The following OPCML variants were observed in gnomAD, a reference collection of about 807,000 sequenced individuals.
OPCML encodes opioid-binding protein/cell adhesion molecule.
In OPCML, 13 loss-of-function variants were observed where a neutral mutation model predicts 37.8. The ratio of observed to expected loss-of-function variants is 0.34; its 90% CI spans 0.22 to 0.55. The LOEUF (loss-of-function observed/expected upper bound fraction) is 0.55. OPCML is among the 20% of genes least tolerant of loss of function. The probability of loss-of-function intolerance (pLI) is 0.91; values close to 1 mark genes in which losing one functional copy is unlikely to be tolerated. For missense variants in OPCML, 341 were observed against 435.6 expected (o/e 0.78, Z 1.93); for synonymous variants, 176 against 168.8 (o/e 1.04, Z -0.33).
At chr11:133,399,595 C>A (rs963758477) in intron 1 of OPCML, among the ~76,000 whole-genome samples, 2 of 152,080 alleles carry the variant, frequency 1.3e-5, no homozygotes, top group African/African-American at 4.8e-5. Context: ...CAGCGAACAA[C>A]ACAAACACAC....
At chr11:133,104,319 C>G (rs963139435) in intron 1 of OPCML, among the ~76,000 whole-genome samples, 1 of 152,138 alleles carries the variant, frequency 6.6e-6, no homozygotes, top group South Asian at 2.1e-4. Flanking sequence ...TTCATTAGAC[C>G]GAAAGGCATG....
At chr11:133,523,896 A>G (rs58983755) in intron 1 of OPCML, among the ~76,000 whole-genome samples, 13,118 of 152,210 alleles carry the variant, frequency 0.086, 1,895 homozygotes, top group African/African-American at 0.3. Flanking sequence ...CCAAGGCTTC[A>G]CCAGCCTCCC....
chr11:132,540,375 A>G (rs1304068508), intron 3 of OPCML, among the ~76,000 whole-genome samples: 1 of 152,170 alleles, frequency 6.6e-6, no homozygotes, highest in Non-Finnish European at 1.5e-5. Context: ...TGCTCAATCA[A>G]TATGTGCTAA....
At chr11:132,923,396 G>A (rs2659624) in intron 2 of OPCML, among the ~76,000 whole-genome samples, 82,375 of 151,934 alleles carry the variant, frequency 0.54, 24,118 homozygotes, top group African/African-American at 0.77. Flanking sequence ...ACGCCCAGCC[G>A]GGCTTGGAAG....
chr11:132,678,605 A>G (rs1294152407), intron 2 of OPCML, among the ~76,000 whole-genome samples: 3 of 152,236 alleles, frequency 2.0e-5, no homozygotes, highest in African/African-American at 4.8e-5. Flanking sequence ...ACTTAAATGC[A>G]TATTACTAAG....
chr11:132,747,167 T>C (rs571053893), intron 2 of OPCML, among the ~76,000 whole-genome samples: 1 of 152,322 alleles, frequency 6.6e-6, no homozygotes, highest in East Asian at 1.9e-4. Context: ...GAAAGACTTA[T>C]TTTTAAGGAC....
At chr11:133,455,105 T>C (rs1477177016) in intron 1 of OPCML, among the ~76,000 whole-genome samples, 5 of 152,150 alleles carry the variant, frequency 3.3e-5, no homozygotes, top group African/African-American at 9.7e-5. Flanking sequence ...TCCAAGTTCA[T>C]TGTCTTGCAT....
intron 1 of OPCML, among the ~76,000 whole-genome samples, chr11:133,458,258 A>G (rs1162437791): frequency 4.7e-5 from 4 of 84,472 alleles, no homozygotes; most frequent in African/African-American, 3.0e-4. Flanking sequence ...ATATATATAC[A>G]CGTGTGTGTA....
chr11:132,891,662 G>A (rs1223597026), intron 2 of OPCML, among the ~76,000 whole-genome samples: 2 of 152,142 alleles, frequency 1.3e-5, no homozygotes. Flanking sequence ...CTAGAACATG[G>A]CCTGGCACAG....
At chr11:133,046,148 G>A (rs1321886772) in intron 1 of OPCML, among the ~76,000 whole-genome samples, 1 of 152,164 alleles carries the variant, frequency 6.6e-6, no homozygotes. Context: ...TTTAGTTCTT[G>A]ACTTGCTGTG....
intron 2 of OPCML, among the ~76,000 whole-genome samples, chr11:132,844,908 T>G (rs190176256): frequency 1.5e-4 from 22 of 148,234 alleles, no homozygotes; most frequent in Admixed American, 1.5e-3. Flanking sequence ...GCTACCCACA[T>G]TAAGAGAGAG....
intron 1 of OPCML, among the ~76,000 whole-genome samples, chr11:133,333,103 G>A (rs1036592415): frequency 6.6e-6 from 1 of 152,154 alleles, no homozygotes; most frequent in Admixed American, 6.5e-5. Context: ...TTGTTACCCG[G>A]GTTGGAGTGC....
At chr11:132,529,408 A>T (rs528810423) in intron 3 of OPCML, 7 of 163,876 alleles carry the variant, frequency 4.3e-5, no homozygotes, top group African/African-American at 1.7e-4. Context: ...CAGGAGGCAG[A>T]TGTGGGAAGA....
chr11:132,877,494 T>C (rs1425166962), intron 2 of OPCML, among the ~76,000 whole-genome samples: 1 of 152,152 alleles, frequency 6.6e-6, no homozygotes, highest in Non-Finnish European at 1.5e-5. Flanking sequence ...AGTTCTTCAT[T>C]CTTTATTTGT....
intron 1 of OPCML, among the ~76,000 whole-genome samples, chr11:133,519,443 G>A (rs1948356067): frequency 6.6e-6 from 1 of 152,148 alleles, no homozygotes; most frequent in Non-Finnish European, 1.5e-5. Flanking sequence ...GAAGGACGAG[G>A]GAAACTTTAC....
At chr11:133,348,233 C>T (rs971932723) in intron 1 of OPCML, among the ~76,000 whole-genome samples, 1 of 152,158 alleles carries the variant, frequency 6.6e-6, no homozygotes, top group Non-Finnish European at 1.5e-5. Flanking sequence ...CCACTGCAAA[C>T]GAGAGCCATT....
At chr11:132,447,376 G>A (rs2096058159) in intron 4 of OPCML, among the ~76,000 whole-genome samples, 1 of 152,068 alleles carries the variant, frequency 6.6e-6, no homozygotes, top group Non-Finnish European at 1.5e-5. Context: ...TTGGCTCACT[G>A]CAACCTCCAC....
intron 3 of OPCML, among the ~76,000 whole-genome samples, chr11:132,632,599 G>T (rs1051955361): frequency 1.3e-5 from 2 of 152,070 alleles, no homozygotes; most frequent in Non-Finnish European, 1.5e-5. Context: ...CCGCAGAGGA[G>T]TCGCTTCCTG....
At chr11:133,047,928 C>T (rs1233424878) in intron 1 of OPCML, among the ~76,000 whole-genome samples, 1 of 152,160 alleles carries the variant, frequency 6.6e-6, no homozygotes, top group African/African-American at 2.4e-5. Flanking sequence ...TTCTATCTGG[C>T]ACATGCTATG....
Sources: gnomAD v4.1 joint callset for allele counts (sites outside exome capture counted in the v4.1 genomes callset) on GRCh38, gnomAD v4.1.1 for gene constraint, MANE v1.5 for transcripts, NCBI Gene and HGNC (gene_info 2026-07-23, HGNC 2026-07-21) for gene names.